The following NCAPG variants were observed in gnomAD, a reference collection of about 807,000 sequenced individuals.
The protein encoded by NCAPG is non-SMC condensin I complex subunit G.
Under a neutral mutation model 113.1 loss-of-function variants are expected in NCAPG, and 69 were observed. The ratio of observed to expected loss-of-function variants is 0.61; its 90% CI spans 0.50 to 0.75. The LOEUF is 0.75. Ranked by LOEUF, NCAPG falls within the 30% of genes least tolerant of loss-of-function variation. The pLI is 0.00. For synonymous variants in NCAPG, 370 were observed against 415.8 expected (o/e 0.89, Z 1.34); for missense variants, 1,058 against 1,177.0 (o/e 0.90, Z 1.48).
chr4:17,823,968 G>A (rs1721558760), intron 9 of NCAPG, among the ~76,000 whole-genome samples, 198 bp downstream of exon 9: 1 of 152,070 alleles, frequency 6.6e-6, no homozygotes, highest in South Asian at 2.1e-4. Context: ...CTTCCTCTTA[G>A]TGTACCTGTT....
In NCAPG at chr4:17,834,574, TTTGTTTA is replaced by T. The variant is rs565124806; in HGVS notation, c.2109+54_2109+60del. 1.2e-3 allele frequency: 1,449 copies of T among 1,164,302 alleles called. 3 individuals carry two copies. Among genetic ancestry groups the T allele is most frequent in the Non-Finnish European group, 1.6e-3 (1,373 of 859,298 alleles). 72.1% of individuals were successfully genotyped at this position (1,164,302 alleles called of 1,614,324 possible). ...TATGAAATGTCATTTTCAGCATGTA[TTTGTTTA>T]TTATTATTATTTTTTAAATTTATTA... On this transcript the variant is annotated intron_variant, in intron 14 of 20. Transcript: ENST00000251496.
At chr4:17,817,169 A>T (rs1721244245) in intron 5 of NCAPG, 92 bp from the exon 6 acceptor site, 1 of 878,452 alleles carries the variant, frequency 1.1e-6, no homozygotes, top group African/African-American at 1.7e-5. Flanking sequence ...TTTCTATTGT[A>T]AATACTGACT....
intron 9 of NCAPG, 103 bp downstream of exon 9, chr4:17,823,873 G>A: frequency 1.1e-6 from 1 of 948,438 alleles, no homozygotes; most frequent in East Asian, 2.6e-5. Context: ...TTTTGTTTTA[G>A]GTTCGTCTCT....
In NCAPG at chr4:17,842,365, A is replaced by G; in HGVS notation, c.2910A>G (p.Glu970=). ...ARTNRRCQTA[E]ADSESDHEVP... is the part of the protein sequence containing the mutation. ...CGAACAGGAGGTGTCAGACTGCTGA[A>G]GCCGACTCTGAAAGGTATGTCATGC... is the stretch of plus-strand genomic sequence containing the variant. The change falls in exon 20 of 21, where the codon GAA becomes GAG. Residue 970 remains glutamate (E), a synonymous_variant. Transcript: ENST00000251496. 6.2e-7 allele frequency: 1 copy of G among 1,612,128 alleles called. No homozygotes were observed. The highest frequency in any genetic ancestry group is 1.1e-5 in the South Asian group (1 of 91,040).
At chr4:17,834,244 GAAAC>G in intron 13 of NCAPG, 51 bp from the exon 14 acceptor site, 1 of 1,177,152 alleles carries the variant, frequency 8.5e-7, no homozygotes, top group South Asian at 1.8e-5. Flanking sequence ...TATGTAAACA[GAAAC>G]AAAACAGTTT....
intron 7 of NCAPG, 130 bp from the exon 8 acceptor site, chr4:17,822,853 A>G: frequency 1.7e-6 from 1 of 591,538 alleles, no homozygotes. Flanking sequence ...TGTAGACCAA[A>G]TTACATGGCA....
In NCAPG at chr4:17,811,201, GGCCCCGGCCGCCGCCTCTCGCCC is replaced by G; in HGVS notation, c.111+23_111+45del. ...CACCTACCGCACGGTAAGCGCTCCC[GGCCCCGGCCGCCGCCTCTCGCCC>G]GCCCCGGCCCACCCTCCCTCAGGGG... On this transcript the variant is annotated intron_variant, in intron 1 of 20. Transcript: ENST00000251496. The surrounding 1 kb of genome is among the most constrained non-coding windows in gnomAD (Gnocchi z 5.3). The G allele has an allele frequency of 6.9e-7, 1 of 1,445,728 alleles. No individual in the cohort carries two copies. The allele number at this position is 1,445,728 out of a possible 1,614,324, so 89.6% of individuals were successfully genotyped here. A position where few individuals can be genotyped will look rare whatever the true frequency, so the allele number is the denominator to read the frequency against.
intron 13 of NCAPG, among the ~76,000 whole-genome samples, chr4:17,833,354 G>A (rs184306681): frequency 6.6e-6 from 1 of 151,948 alleles, no homozygotes; most frequent in Non-Finnish European, 1.5e-5. Flanking sequence ...AGCTGCTCAG[G>A]AGGCTGAGGC....
At chr4:17,826,091 C>G (rs963191085) in intron 11 of NCAPG, among the ~76,000 whole-genome samples, 2 of 151,810 alleles carry the variant, frequency 1.3e-5, no homozygotes, top group Non-Finnish European at 1.5e-5. Flanking sequence ...TTCAGTAGTT[C>G]GTTTTTTAAA....
At chr4:17,827,047 T>A (rs897465491) in intron 11 of NCAPG, among the ~76,000 whole-genome samples, 2 of 152,222 alleles carry the variant, frequency 1.3e-5, no homozygotes, top group Non-Finnish European at 2.9e-5. Context: ...TCTAGACTTG[T>A]GCTTTTAACT....
intron 20 of NCAPG, 153 bp from the exon 21 acceptor site, chr4:17,843,149 G>T: frequency 5.4e-6 from 4 of 740,140 alleles, no homozygotes; most frequent in East Asian, 2.9e-5. Flanking sequence ...GTGTTTTTTT[G>T]ACATTGAGAT....
At chr4:17,833,467 A>T (rs541819153) in intron 13 of NCAPG, among the ~76,000 whole-genome samples, 136 of 135,396 alleles carry the variant, frequency 1.0e-3, no homozygotes, top group Middle Eastern at 3.6e-3. Flanking sequence ...TCAAAAAAAA[A>T]AAATATATAT....
In NCAPG at chr4:17,831,038, C is replaced by G. The variant is rs746811447; in HGVS notation, c.1806C>G (p.Asn602Lys). 3 of 1,613,212 alleles carry G rather than the reference C, an allele frequency of 1.9e-6. No homozygotes were observed. Among genetic ancestry groups the G allele is most frequent in the African/African-American group, 2.7e-5 (2 of 74,872 alleles). The change falls in exon 13 of 21, where the codon AAC becomes AAG. Residue 602 changes from asparagine to lysine, a missense_variant. Physicochemically the swap from Asn to Lys is moderately conservative, Grantham distance 94 (BLOSUM62 0). Transcript: ENST00000251496. ...GIISIHPVVR[N>K]LAVLCLGCCG... Reference sequence around the variant, plus strand: ...TAAGTATTCATCCTGTTGTAAGAAACCTGGCTGTTTTATGCTTGGGATGCT... The same window carrying G: ...TAAGTATTCATCCTGTTGTAAGAAAGCTGGCTGTTTTATGCTTGGGATGCT...
chr4:17,840,628 T>C lies in NCAPG; in HGVS notation c.2789T>C (p.Met930Thr). 6.5e-7 allele frequency: 1 copy of C among 1,541,026 alleles called. No homozygotes were observed. The highest frequency in any genetic ancestry group is 1.3e-5 in the South Asian group (1 of 77,520). Residue 930 changes from methionine to threonine, a missense_variant, in exon 19 of 21, where the codon ATG becomes ACG. Met to Thr is a moderately conservative substitution (Grantham distance 81). Transcript: ENST00000251496. ...NEDEKNKEVY[M>T]TPLRGVKATQ... ...ATAGAAAAGAATAAAGAAGTATATA[T>C]GACTCCACTCAGGGGTGTAAAAGCA... is the stretch of plus-strand genomic sequence containing the variant.
intron 7 of NCAPG, among the ~76,000 whole-genome samples, chr4:17,821,646 T>C (rs1721460985): frequency 6.6e-6 from 1 of 151,914 alleles, no homozygotes; most frequent in African/African-American, 2.4e-5. Context: ...ATATTTTTAG[T>C]AGAGATGGGG....
At position 17,831,073 on chromosome 4, in the gene NCAPG, A is replaced by G; in HGVS notation, c.1841A>G (p.Gln614Arg). 6 of 1,613,884 alleles carry G rather than the reference A, an allele frequency of 3.7e-6. No homozygotes were observed. The highest frequency in any genetic ancestry group is 5.1e-6 in the Non-Finnish European group (6 of 1,179,858). The change falls in exon 13 of 21, where the codon CAG (glutamine) becomes CGG (arginine). Residue 614 changes from glutamine to arginine, a missense_variant. By Grantham distance (43) the Gln-to-Arg change is conservative. Coordinates refer to ENST00000251496, the MANE Select transcript of NCAPG (RefSeq NM_022346.5). ...AVLCLGCCGL[Q>R]NQDFARKHFV... Reference sequence around the variant, plus strand: ...TTATGCTTGGGATGCTGTGGACTACAGAATCAGGATTTTGCAAGGAAACAC... The same window carrying G: ...TTATGCTTGGGATGCTGTGGACTACGGAATCAGGATTTTGCAAGGAAACAC...
At chr4:17,815,130 T>G in intron 4 of NCAPG, 132 bp downstream of exon 4, 2 of 1,308,950 alleles carry the variant, frequency 1.5e-6, no homozygotes, top group Non-Finnish European at 2.1e-6. Flanking sequence ...ACAGGTAATT[T>G]AGGTAGAATC....
chr4:17,822,793 A>C (rs1333019282), intron 7 of NCAPG, among the ~76,000 whole-genome samples, 190 bp from the exon 8 acceptor site: 2 of 152,206 alleles, frequency 1.3e-5, no homozygotes, highest in African/African-American at 4.8e-5. Flanking sequence ...CTTTTGATTC[A>C]TCAATAAGTT....
At chr4:17,839,328 T>C (rs991816202) in intron 16 of NCAPG, among the ~76,000 whole-genome samples, 51 of 152,132 alleles carry the variant, frequency 3.4e-4, no homozygotes, top group African/African-American at 1.2e-3. Flanking sequence ...GGACAAATCT[T>C]TGGGAGAAGA....
Sources: gnomAD v4.1 joint callset for allele counts (sites outside exome capture counted in the v4.1 genomes callset) on GRCh38, gnomAD v4.1.1 for gene constraint, Gnocchi (gnomAD v3.1) non-coding constraint, MANE v1.5 for transcripts, NCBI Gene and HGNC (gene_info 2026-07-23, HGNC 2026-07-21) for gene names.